The following ATXN7L1 variants were observed in gnomAD, a reference collection of about 807,000 sequenced individuals.
ATXN7L1 encodes the protein ataxin 7 like 1.
In ATXN7L1, 15 loss-of-function variants were observed where a neutral mutation model predicts 70.8. That is an observed-to-expected ratio of 0.21 (90% CI 0.14 to 0.33). The LOEUF is 0.33. Among genes scored for constraint, ATXN7L1 ranks in the 10% least tolerant of loss-of-function variants. ATXN7L1 has a pLI of 1.00. For synonymous variants in ATXN7L1, 440 were observed against 445.1 expected, an observed-to-expected ratio of 0.99 and a Z score of 0.14; for missense variants, 975 against 1,097.1, an observed-to-expected ratio of 0.89 and a Z score of 1.57.
chr7:105,646,511 G>A (rs1345529667), intron 4 of ATXN7L1, among the ~76,000 whole-genome samples: 1 of 152,064 alleles, frequency 6.6e-6, no homozygotes, highest in Non-Finnish European at 1.5e-5. Context: ...TCGGCCTCTT[G>A]GGTTCAAGTG....
chr7:105,710,129 C>T (rs940780325), intron 3 of ATXN7L1, among the ~76,000 whole-genome samples: 2 of 152,190 alleles, frequency 1.3e-5, no homozygotes, highest in Admixed American at 1.3e-4. Flanking sequence ...GGATTACTGG[C>T]ATGAGCCACT....
chr7:105,606,108 C>G lies in ATXN7L1; in HGVS notation c.*1744G>C, dbSNP rs182861451. ...ATCCCTTCAATTTGCAGTCTCTTTT[C>G]CCAAGACGTAAATAAACCAGCATAT... On this transcript the variant is annotated 3_prime_UTR_variant, in exon 12 of 12. Transcript: ENST00000419735. 112 of 151,822 alleles carry G rather than the reference C, an allele frequency of 7.4e-4. 1 individual carries two copies. The highest frequency in any genetic ancestry group is 3.4e-3 in the Middle Eastern group (1 of 294). The allele number at this position is 151,822 out of a possible 1,614,324, so 9.4% of individuals were successfully genotyped here. A position where few individuals can be genotyped will look rare whatever the true frequency, so the allele number is the denominator to read the frequency against.
intron 2 of ATXN7L1, among the ~76,000 whole-genome samples, chr7:105,837,909 G>A (rs1812646044): frequency 6.6e-6 from 1 of 152,142 alleles, no homozygotes; most frequent in Non-Finnish European, 1.5e-5. Context: ...CTACACATGT[G>A]CGCTCGCTCT....
intron 2 of ATXN7L1, chr7:105,820,126 CAAAAAAAAAAAA>C (rs562797891): frequency 1.0e-3 from 67 of 64,250 alleles, no homozygotes; most frequent in South Asian, 3.0e-3. Flanking sequence ...GTTTATTCCT[CAAAAAAAAAAAA>C]AAAAAAAAAA....
chr7:105,614,728 T>A lies in ATXN7L1; in HGVS notation c.1606A>T (p.Ser536Cys), dbSNP rs1291937721. The change falls in exon 10 of 12, where the codon AGC becomes TGC. Residue 536 changes from serine to cysteine, a missense_variant. Around this residue, in one of 5 missense-constraint regions of ATXN7L1, gnomAD observed 635 missense variants for 699.4 expected, o/e 0.91. Coordinates refer to ENST00000419735, the MANE Select transcript of ATXN7L1 (RefSeq NM_020725.2). This position sits in a 1 kb window ranked among gnomAD's most constrained non-coding sequence, Gnocchi z 4.3. ...GGAAGATACACAGCACTGGGGTTGC[T>A]GAAAGGCTGCAAAACGGATGCTGGA... The part of the protein sequence containing the change: ...PVPASVLQPF[S>C]NPSAVYLPSA... 2 of 1,551,656 alleles carry A rather than the reference T, an allele frequency of 1.3e-6. No homozygotes were observed. Among genetic ancestry groups the A allele is most frequent in the Non-Finnish European group, 1.7e-6 (2 of 1,147,004 alleles).
intron 3 of ATXN7L1, among the ~76,000 whole-genome samples, chr7:105,730,768 A>G (rs1206176221): frequency 1.3e-5 from 2 of 152,020 alleles, no homozygotes; most frequent in African/African-American, 4.8e-5. Flanking sequence ...AGCTAAGGAG[A>G]CATGACAACT....
At chr7:105,833,074 T>C (rs1811856780) in intron 2 of ATXN7L1, among the ~76,000 whole-genome samples, 2 of 152,112 alleles carry the variant, frequency 1.3e-5, no homozygotes, top group African/African-American at 4.8e-5. Context: ...CAGGATAAAG[T>C]CCTTACTCCT....
chr7:105,633,656 G>T (rs1796934355), intron 7 of ATXN7L1, among the ~76,000 whole-genome samples: 1 of 152,094 alleles, frequency 6.6e-6, no homozygotes, highest in Non-Finnish European at 1.5e-5. Flanking sequence ...TGAGGTGGAG[G>T]TTGCCATGAG....
chr7:105,679,040 G>A (rs1441668477), intron 3 of ATXN7L1: 3 of 980,894 alleles, frequency 3.1e-6, no homozygotes, highest in East Asian at 1.1e-4. Flanking sequence ...CGTGCCCTGC[G>A]CTCACACTTA....
chr7:105,845,693 G>C (rs1397040344), intron 2 of ATXN7L1, among the ~76,000 whole-genome samples: 2 of 152,092 alleles, frequency 1.3e-5, no homozygotes, highest in Non-Finnish European at 2.9e-5. Flanking sequence ...TGTGTTACTG[G>C]CATTAGGATA....
chr7:105,761,249 G>T, intron 3 of ATXN7L1: 1 of 1,518,252 alleles, frequency 6.6e-7, no homozygotes, highest in Non-Finnish European at 8.8e-7. Flanking sequence ...TCACGAATTT[G>T]CAGTGAATGG....
intron 3 of ATXN7L1, among the ~76,000 whole-genome samples, chr7:105,697,597 C>T (rs1791904886): frequency 6.6e-6 from 1 of 152,090 alleles, no homozygotes; most frequent in Admixed American, 6.6e-5. Context: ...ATTACAGGGT[C>T]CTGAGGCGAC....
intron 2 of ATXN7L1, among the ~76,000 whole-genome samples, chr7:105,801,297 G>A (rs1478493854): frequency 6.6e-6 from 1 of 152,188 alleles, no homozygotes; most frequent in African/African-American, 2.4e-5. Context: ...AAACCACAGG[G>A]TGAGCAAACA....
chr7:105,667,567 C>T lies in ATXN7L1; in HGVS notation c.356-2279G>A, dbSNP rs920370384. ...ACAAAAAATTAGCCGGGCGTAGTGG[C>T]GGGCGCCTGTAGTCCCAGCTACTTG... On this transcript the variant is annotated intron_variant, in intron 3 of 11. Coordinates refer to ENST00000419735, the MANE Select transcript of ATXN7L1 (RefSeq NM_020725.2). Among the ~76,000 whole-genome samples, 8 of 133,862 alleles carry T rather than the reference C, an allele frequency of 6.0e-5. 1 individual carries two copies. The highest frequency in any genetic ancestry group is 2.1e-4 in the African/African-American group (8 of 38,914). 87.8% of individuals were successfully genotyped at this position (133,862 alleles called of 152,430 possible).
chr7:105,681,846 A>T (rs1275466723), intron 3 of ATXN7L1, among the ~76,000 whole-genome samples: 1 of 152,184 alleles, frequency 6.6e-6, no homozygotes, highest in Non-Finnish European at 1.5e-5. Context: ...TCATAGACAG[A>T]ATGGCGGTTG....
intron 4 of ATXN7L1, among the ~76,000 whole-genome samples, chr7:105,662,050 C>CTTTT (rs1801730984): frequency 1.1e-5 from 1 of 94,598 alleles, no homozygotes; most frequent in Non-Finnish European, 2.4e-5. Flanking sequence ...TTCCTTCCTT[C>CTTTT]CTTCCTTCCT....
rs564442725 is a variant in ATXN7L1 at position 105,851,076 on chromosome 7, C to T, written c.250+24736G>A. ...TTTATGTGTATCCCACAATGATTTA[C>T]AACCCTGAAACTAACCCAGGGAAAC... On this transcript the variant is annotated intron_variant, in intron 2 of 11. Transcript: ENST00000419735. Among the ~76,000 whole-genome samples, 60 of 152,278 alleles carry T rather than the reference C, an allele frequency of 3.9e-4. 1 individual carries two copies. Among genetic ancestry groups the T allele is most frequent in the African/African-American group, 1.4e-3 (60 of 41,554 alleles).
intron 3 of ATXN7L1, among the ~76,000 whole-genome samples, chr7:105,778,380 T>G (rs2015949): frequency 1.3e-5 from 2 of 149,256 alleles, no homozygotes; most frequent in Admixed American, 6.7e-5. Flanking sequence ...ACATGGTGGC[T>G]TATGCCTGTG....
chr7:105,724,349 G>A (rs1391514916), intron 3 of ATXN7L1, among the ~76,000 whole-genome samples: 1 of 152,074 alleles, frequency 6.6e-6, no homozygotes, highest in Non-Finnish European at 1.5e-5. Context: ...CAAGGCAGGC[G>A]GATCACTTGA....
Sources: gnomAD v4.1 joint callset for allele counts (sites outside exome capture counted in the v4.1 genomes callset) on GRCh38, gnomAD v4.1.1 for gene constraint, gnomAD v4.1.1 regional missense constraint, Gnocchi (gnomAD v3.1) non-coding constraint, MANE v1.5 for transcripts, NCBI Gene and HGNC (gene_info 2026-07-23, HGNC 2026-07-21) for gene names.